Variants in PAX7 observed in about 807,000 individuals in gnomAD.
The protein encoded by PAX7 is paired box protein Pax-7.
Under a neutral mutation model 50.7 loss-of-function variants are expected in PAX7, and 18 were observed. The ratio of observed to expected loss-of-function variants is 0.36; its 90% confidence interval spans 0.25 to 0.53. The LOEUF (loss-of-function observed/expected upper bound fraction) is 0.53. Ranked by LOEUF, PAX7 falls within the 20% of genes least tolerant of loss-of-function variation. The probability of loss-of-function intolerance (pLI) is 0.93; values close to 1 mark genes in which losing one functional copy is unlikely to be tolerated. For synonymous variants in PAX7, 310 were observed against 290.4 expected (o/e 1.07, Z -0.69); for missense variants, 644 against 702.9 (o/e 0.92, Z 0.95).
intron 7 of PAX7, among the ~76,000 whole-genome samples, chr1:18,721,231 G>C (rs688710): frequency 0.48 from 73,626 of 152,002 alleles, 18,159 homozygotes; most frequent in East Asian, 0.63. Flanking sequence ...GTCCCAGAGC[G>C]CTCAGAGCCC....
At chr1:18,709,405 C>T (rs1192645911) in intron 7 of PAX7, among the ~76,000 whole-genome samples, 1 of 152,224 alleles carries the variant, frequency 6.6e-6, no homozygotes, top group Admixed American at 6.5e-5. Context: ...CACACACCGA[C>T]CTAATGAAGA....
chr1:18,712,321 C>G (rs905979762), intron 7 of PAX7, among the ~76,000 whole-genome samples: 2 of 152,158 alleles, frequency 1.3e-5, no homozygotes, highest in African/African-American at 4.8e-5. Flanking sequence ...TTCCCCCCGG[C>G]AGCTCCTCAC....
chr1:18,659,613 G>T (rs937887588), intron 4 of PAX7, among the ~76,000 whole-genome samples: 1 of 152,166 alleles, frequency 6.6e-6, no homozygotes, highest in South Asian at 2.1e-4. Context: ...GAAAGAGAGA[G>T]TGGAAAGGAA....
rs151018950 is a variant in PAX7 at position 18,686,689 on chromosome 1, G to A, written c.587-5065G>A. ...AGAGAAGGGCACCCCAAGAGAGTGG[G>A]GGTGCAGGAAGCTGAAGTGAGGTTG... On this transcript the variant is annotated intron_variant, in intron 4 of 8. Transcript: ENST00000420770. Among the ~76,000 whole-genome samples the A allele has an allele frequency of 5.3e-3, 813 of 152,112 alleles. 9 individuals carry two copies. Among genetic ancestry groups the A allele is most frequent in the African/African-American group, 0.019 (785 of 41,492 alleles).
At chr1:18,719,625 G>A (rs756135121) in intron 7 of PAX7, among the ~76,000 whole-genome samples, 10 of 152,230 alleles carry the variant, frequency 6.6e-5, no homozygotes, top group Non-Finnish European at 1.3e-4. Context: ...ACTGCCCAGG[G>A]GCAGAAGTTC....
In PAX7 at chr1:18,635,097, C is replaced by G. The variant is rs2088125116; in HGVS notation, c.322-14C>G. ...CATCTTTCCACTCCTACTCTCCCACCTCCACCTCTGAAGCAGGTGGCGACT... is the reference window on the plus strand; with the variant it reads ...CATCTTTCCACTCCTACTCTCCCACGTCCACCTCTGAAGCAGGTGGCGACT... On this transcript the variant is annotated splice_polypyrimidine_tract_variant and intron_variant, in intron 2 of 8. Coordinates refer to ENST00000420770, the MANE Select transcript of PAX7 (RefSeq NM_001135254.2). 3 of 1,613,208 alleles carry G rather than the reference C, an allele frequency of 1.9e-6. No homozygotes were observed. Among genetic ancestry groups the G allele is most frequent in the Non-Finnish European group, 2.5e-6 (3 of 1,179,544 alleles).
chr1:18,722,847 T>A (rs1433734696), intron 7 of PAX7, among the ~76,000 whole-genome samples: 1 of 152,202 alleles, frequency 6.6e-6, no homozygotes, highest in East Asian at 1.9e-4. Context: ...TTGAGTTGTG[T>A]CACCTCCTTG....
At chr1:18,657,571 C>T (rs962472742) in intron 4 of PAX7, among the ~76,000 whole-genome samples, 3 of 152,170 alleles carry the variant, frequency 2.0e-5, no homozygotes, top group African/African-American at 7.2e-5. Context: ...GAGCTAGAGA[C>T]CTGGTCTCCT....
At chr1:18,737,235 G>A (rs1340193377) in intron 8 of PAX7, among the ~76,000 whole-genome samples, 1 of 152,238 alleles carries the variant, frequency 6.6e-6, no homozygotes, top group Non-Finnish European at 1.5e-5. Flanking sequence ...TAATCAGAAG[G>A]GCGTGTGGCA....
intron 7 of PAX7, among the ~76,000 whole-genome samples, chr1:18,717,689 C>T (rs1005693919): frequency 2.0e-5 from 3 of 152,328 alleles, no homozygotes; most frequent in Admixed American, 1.3e-4. Flanking sequence ...GTCCCCAGCA[C>T]AAAGCCTGGC....
intron 4 of PAX7, among the ~76,000 whole-genome samples, chr1:18,669,172 C>T (rs1466803473): frequency 6.6e-6 from 1 of 152,194 alleles, no homozygotes; most frequent in Non-Finnish European, 1.5e-5. Context: ...CATCTTCCTG[C>T]CTGCTAGATG....
chr1:18,733,240 C>A (rs1325617437), intron 7 of PAX7, among the ~76,000 whole-genome samples: 1 of 152,124 alleles, frequency 6.6e-6, no homozygotes, highest in African/African-American at 2.4e-5. Flanking sequence ...GTCAGACACC[C>A]TCACATACCA....
intron 4 of PAX7, among the ~76,000 whole-genome samples, chr1:18,688,225 T>C (rs1265538425): frequency 6.6e-6 from 1 of 152,166 alleles, no homozygotes; most frequent in Admixed American, 6.5e-5. Context: ...TTCCTGTAAA[T>C]AGATGGGAAC....
intron 7 of PAX7, among the ~76,000 whole-genome samples, chr1:18,712,906 A>AC (rs1187154440): frequency 4.0e-5 from 6 of 150,898 alleles, no homozygotes; most frequent in South Asian, 2.1e-4. Context: ...ACATGGTGAA[A>AC]CCCCCCCTCT....
In PAX7 at chr1:18,735,709, C is replaced by T. The variant is rs531730771; in HGVS notation, c.1233C>T (p.Gly411=). Residue 411 remains glycine (G), a synonymous_variant, in exon 8 of 9, where the codon GGC becomes GGT. Transcript: ENST00000420770. This position sits in a 1 kb window ranked among gnomAD's most constrained non-coding sequence, Gnocchi z 4.0. ...QADFSISPLH[G]GLDSATSISA... is the part of the protein sequence containing the mutation. The stretch of plus-strand genomic sequence containing the variant: ...ACTTCTCCATCTCCCCGCTGCATGG[C>T]GGCCTGGACTCGGCCACCTCCATCT... The T allele has an allele frequency of 3.2e-5, 51 of 1,613,996 alleles. No homozygotes were observed. In the African/African-American group the frequency reaches 3.6e-4, roughly 11 times the overall value.
intron 4 of PAX7, among the ~76,000 whole-genome samples, chr1:18,682,234 A>G (rs1177174252): frequency 2.0e-5 from 3 of 152,064 alleles, no homozygotes; most frequent in Non-Finnish European, 4.4e-5. Context: ...GAGAGAGTGT[A>G]GGATTTGGAG....
chr1:18,668,049 C>T (rs2088694879), intron 4 of PAX7, among the ~76,000 whole-genome samples: 1 of 152,146 alleles, frequency 6.6e-6, no homozygotes, highest in South Asian at 2.1e-4. Flanking sequence ...AGCAGGGGTT[C>T]TCAGCCTTGG....
intron 7 of PAX7, among the ~76,000 whole-genome samples, chr1:18,725,022 G>A (rs1434121818): frequency 2.5e-4 from 38 of 152,342 alleles, no homozygotes; most frequent in Non-Finnish European, 1.5e-4. Context: ...CATAGTAGGT[G>A]CTTAAGGCTA....
chr1:18,730,265 TAGTC>T (rs1331210814), intron 7 of PAX7, among the ~76,000 whole-genome samples: 2 of 152,192 alleles, frequency 1.3e-5, no homozygotes, highest in Admixed American at 1.3e-4. Context: ...GAGTCGCAGT[TAGTC>T]AGGGCAGATA....
Sources: allele counts gnomAD v4.1 joint callset (sites outside exome capture counted in the v4.1 genomes callset), GRCh38; gene constraint gnomAD v4.1.1; non-coding constraint Gnocchi (gnomAD v3.1); transcripts MANE v1.5; gene names NCBI Gene and HGNC (gene_info 2026-07-23, HGNC 2026-07-21).